CACNB4: variants seen among roughly 807,000 people sequenced by gnomAD.
CACNB4 encodes calcium voltage-gated channel auxiliary subunit beta 4.
A neutral mutation model predicts 71.2 loss-of-function variants in CACNB4; 32 were observed. That is an observed-to-expected ratio of 0.45 (90% confidence interval 0.34 to 0.60). The LOEUF is 0.60. CACNB4 is among the 20% of genes least tolerant of loss of function. The probability of loss-of-function intolerance (pLI) is 0.01; values close to 1 mark genes in which losing one functional copy is unlikely to be tolerated. For synonymous variants in CACNB4, 231 were observed against 236.9 expected (o/e 0.97, Z 0.23); for missense variants, 464 against 647.9 (o/e 0.72, Z 3.08).
chr2:151,855,644 G>C (rs965212967), intron 10 of CACNB4, among the ~76,000 whole-genome samples: 1 of 152,020 alleles, frequency 6.6e-6, no homozygotes, highest in African/African-American at 2.4e-5. Flanking sequence ...ATATAACTAC[G>C]ATGATTATTT....
At chr2:151,973,609 G>A in intron 2 of CACNB4, 1 of 1,468,810 alleles carries the variant, frequency 6.8e-7, no homozygotes, top group African/African-American at 1.4e-5. Context: ...GGGGGTGGAG[G>A]GGATAGTGGG....
At chr2:152,050,154 G>A (rs1685345015) in intron 2 of CACNB4, among the ~76,000 whole-genome samples, 1 of 152,242 alleles carries the variant, frequency 6.6e-6, no homozygotes, top group Non-Finnish European at 1.5e-5. Flanking sequence ...TTTCCAAAGT[G>A]ACATAGTGTG....
At chr2:151,855,132 G>T (rs1021615879) in intron 11 of CACNB4, 92 bp downstream of exon 11, 2 of 748,356 alleles carry the variant, frequency 2.7e-6, no homozygotes, top group Non-Finnish European at 4.3e-6. Flanking sequence ...TCAGCAAGAC[G>T]TTCTCCTTTG....
intron 2 of CACNB4, among the ~76,000 whole-genome samples, chr2:151,935,515 C>T (rs2099862718): frequency 6.6e-6 from 1 of 152,142 alleles, no homozygotes; most frequent in African/African-American, 2.4e-5. Context: ...ATTTTTAACA[C>T]AAAAACAGCC....
chr2:152,006,372 G>A (rs186588800), intron 2 of CACNB4, among the ~76,000 whole-genome samples: 3 of 149,968 alleles, frequency 2.0e-5, no homozygotes, highest in Non-Finnish European at 4.4e-5. Flanking sequence ...TGATGCCCCC[G>A]TTCCATATCT....
intron 2 of CACNB4, among the ~76,000 whole-genome samples, chr2:152,057,041 A>T (rs1163631467): frequency 6.6e-6 from 1 of 152,194 alleles, no homozygotes; most frequent in Non-Finnish European, 1.5e-5. Context: ...GAATACGGCA[A>T]CATTGAGGGA....
chr2:151,896,994 C>G (rs2099852255), intron 2 of CACNB4, among the ~76,000 whole-genome samples: 1 of 152,130 alleles, frequency 6.6e-6, no homozygotes, highest in African/African-American at 2.4e-5. Flanking sequence ...TCATGCCCAG[C>G]AGAAGTGTTG....
intron 2 of CACNB4, among the ~76,000 whole-genome samples, chr2:151,976,587 C>G (rs1454603650): frequency 6.6e-6 from 1 of 152,070 alleles, no homozygotes; most frequent in East Asian, 1.9e-4. Context: ...TGGATCTACA[C>G]AGAATCAGCA....
At chr2:152,066,587 G>C (rs1043355702) in intron 2 of CACNB4, among the ~76,000 whole-genome samples, 36 of 149,660 alleles carry the variant, frequency 2.4e-4, no homozygotes, top group Middle Eastern at 6.8e-3. Context: ...TCAGTGTGGC[G>C]ATTCCTCAGG....
At chr2:152,039,449 A>G (rs1048734801) in intron 2 of CACNB4, among the ~76,000 whole-genome samples, 1 of 152,022 alleles carries the variant, frequency 6.6e-6, no homozygotes, top group Non-Finnish European at 1.5e-5. Flanking sequence ...TATTCCCTCA[A>G]TGCTGAACCC....
chr2:152,096,633 AT>A (rs1688283472), intron 2 of CACNB4, among the ~76,000 whole-genome samples: 2 of 152,354 alleles, frequency 1.3e-5, no homozygotes, highest in Admixed American at 6.5e-5. Flanking sequence ...ATTTAAAAAA[AT>A]CTACTTTGCT....
chr2:151,990,023 G>A (rs1050885877), intron 2 of CACNB4, among the ~76,000 whole-genome samples: 7 of 152,038 alleles, frequency 4.6e-5, no homozygotes, highest in African/African-American at 1.2e-4. Flanking sequence ...CTCCTTACCA[G>A]TCTTCTGCAT....
At chr2:151,849,684 C>T (rs961331619) in intron 12 of CACNB4, among the ~76,000 whole-genome samples, 5 of 152,152 alleles carry the variant, frequency 3.3e-5, no homozygotes, top group African/African-American at 4.8e-5. Flanking sequence ...GGAGCTGCCA[C>T]GTAAGAGCCT....
At chr2:151,920,257 A>C (rs1488087081) in intron 2 of CACNB4, among the ~76,000 whole-genome samples, 1 of 111,868 alleles carries the variant, frequency 8.9e-6, no homozygotes, top group East Asian at 2.3e-4. Flanking sequence ...TAGTAAAATG[A>C]TTTCATTTTA....
intron 2 of CACNB4, among the ~76,000 whole-genome samples, chr2:151,886,082 G>C (rs2099849290): frequency 6.6e-6 from 1 of 152,058 alleles, no homozygotes; most frequent in African/African-American, 2.4e-5. Flanking sequence ...CAAAGTGCTG[G>C]GATTACAGGT....
At chr2:151,845,763 C>G (rs140604116) in intron 12 of CACNB4, among the ~76,000 whole-genome samples, 1,882 of 152,302 alleles carry the variant, frequency 0.012, 20 homozygotes, top group Middle Eastern at 0.024. Context: ...CAGGGAACAC[C>G]TTTGCCCTTG....
intron 2 of CACNB4, among the ~76,000 whole-genome samples, chr2:152,023,958 G>T (rs1683823179): frequency 6.6e-6 from 1 of 152,216 alleles, no homozygotes; most frequent in Admixed American, 6.5e-5. Context: ...TTAAGATGAA[G>T]AAGCACAATG....
intron 2 of CACNB4, among the ~76,000 whole-genome samples, chr2:152,088,318 G>A (rs561636429): frequency 1.3e-5 from 2 of 152,142 alleles, no homozygotes; most frequent in African/African-American, 4.8e-5. Flanking sequence ...AGAAAAAAAA[G>A]GAAGACGATA....
chr2:151,844,763 C>T (rs1231068237), intron 12 of CACNB4, among the ~76,000 whole-genome samples: 1 of 152,230 alleles, frequency 6.6e-6, no homozygotes, highest in Non-Finnish European at 1.5e-5. Flanking sequence ...GGAAACGAGG[C>T]AGCACCAGAA....
Sources: allele counts gnomAD v4.1 joint callset (sites outside exome capture counted in the v4.1 genomes callset), GRCh38; gene constraint gnomAD v4.1.1; transcripts MANE v1.5; gene names NCBI Gene and HGNC (gene_info 2026-07-23, HGNC 2026-07-21).